The following SLC24A2 variants were observed in gnomAD, a reference collection of about 807,000 sequenced individuals.
SLC24A2 encodes solute carrier family 24 member 2, also known as sodium/potassium/calcium exchanger 2.
A neutral mutation model predicts 62.0 loss-of-function variants in SLC24A2; 36 were observed. The observed-to-expected ratio is 0.58, with a 90% CI of 0.44 to 0.77. SLC24A2 has a LOEUF of 0.77. SLC24A2 is among the 30% of genes least tolerant of loss of function. The probability of loss-of-function intolerance (pLI) is 0.00; values close to 1 mark genes in which losing one functional copy is unlikely to be tolerated. For missense variants in SLC24A2, 846 were observed against 817.9 expected, an observed-to-expected ratio of 1.03 and a Z score of -0.42; for synonymous variants, 358 against 294.0, an observed-to-expected ratio of 1.22 and a Z score of -2.23.
At chr9:20,176,666 A>C in the SLC24A2 span, among the ~76,000 whole-genome samples, 1 of 152,118 alleles carries the variant, frequency 6.6e-6, no homozygotes, top group Non-Finnish European at 1.5e-5. Context: ...CCAGGGGTAT[A>C]AATGAGGAAG....
chr9:20,056,652 C>A, the SLC24A2 span, among the ~76,000 whole-genome samples: 1 of 152,150 alleles, frequency 6.6e-6, no homozygotes, highest in South Asian at 2.1e-4. Context: ...AGATTCTTAC[C>A]TTTCACTATT....
intron 8 of SLC24A2, 34 bp from the exon 9 acceptor site, chr9:19,528,172 G>A (rs372731617): frequency 2.2e-6 from 3 of 1,380,360 alleles, no homozygotes; most frequent in South Asian, 1.2e-5. Flanking sequence ...GAGAATATCA[G>A]TGTTATCCAT....
chr9:19,666,543 T>G (rs1430935871), intron 2 of SLC24A2, among the ~76,000 whole-genome samples: 1 of 152,134 alleles, frequency 6.6e-6, no homozygotes, highest in African/African-American at 2.4e-5. Flanking sequence ...CTCAAGAAAA[T>G]AAAAATAATT....
the SLC24A2 span, among the ~76,000 whole-genome samples, chr9:20,028,036 G>A: frequency 1.3e-5 from 2 of 152,188 alleles, no homozygotes; most frequent in African/African-American, 4.8e-5. Context: ...CATCCATGGT[G>A]TGCAGGGAAG....
chr9:19,722,335 T>A lies in SLC24A2; in HGVS notation c.930+63602A>T, dbSNP rs371726370. Among the ~76,000 whole-genome samples the A allele has an allele frequency of 1.6e-4, 25 of 152,162 alleles. 2 individuals are homozygous for A. Among genetic ancestry groups the A allele is most frequent in the East Asian group, 1.3e-3 (7 of 5,204 alleles). The stretch of plus-strand genomic sequence containing the variant: ...AAATATAACTCTTCATAGCTGTTAA[T>A]TGAGCTGAACTGAGAATGCTAGGTT... On this transcript the variant is annotated intron_variant, in intron 2 of 10. Transcript: ENST00000341998.
intron 2 of SLC24A2, among the ~76,000 whole-genome samples, chr9:19,725,876 T>G (rs1821153990): frequency 6.6e-6 from 1 of 152,206 alleles, no homozygotes; most frequent in Non-Finnish European, 1.5e-5. Context: ...GCTGCCCATA[T>G]TCCCCTCTGG....
chr9:20,200,926 C>T, the SLC24A2 span, among the ~76,000 whole-genome samples: 5 of 152,176 alleles, frequency 3.3e-5, no homozygotes, highest in Non-Finnish European at 4.4e-5. Context: ...TTCTGTAGCT[C>T]ATTATATTTG....
chr9:19,530,808 A>C (rs1198344916), intron 8 of SLC24A2, among the ~76,000 whole-genome samples: 1 of 152,198 alleles, frequency 6.6e-6, no homozygotes, highest in African/African-American at 2.4e-5. Flanking sequence ...GTGAATTTTC[A>C]GTCTTCATCA....
At chr9:20,200,629 G>A in the SLC24A2 span, among the ~76,000 whole-genome samples, 1 of 152,066 alleles carries the variant, frequency 6.6e-6, no homozygotes, top group Non-Finnish European at 1.5e-5. Flanking sequence ...ACAAACATGG[G>A]GACACATTGC....
chr9:20,068,035 C>T, the SLC24A2 span, among the ~76,000 whole-genome samples: 1 of 150,614 alleles, frequency 6.6e-6, no homozygotes, highest in Non-Finnish European at 1.5e-5. Context: ...GCAACCTCAC[C>T]AACATCTGTT....
chr9:19,573,722 G>A (rs1835922856), intron 6 of SLC24A2, among the ~76,000 whole-genome samples: 1 of 152,122 alleles, frequency 6.6e-6, no homozygotes, highest in African/African-American at 2.4e-5. Context: ...TCAGTATACG[G>A]CCTGCCCCCT....
chr9:20,234,847 C>A, the SLC24A2 span, among the ~76,000 whole-genome samples: 1 of 152,116 alleles, frequency 6.6e-6, no homozygotes, highest in Non-Finnish European at 1.5e-5. Context: ...TTTTTCCCAT[C>A]TTTGTGGTTT....
the SLC24A2 span, among the ~76,000 whole-genome samples, chr9:20,008,993 T>G: frequency 6.6e-6 from 1 of 152,170 alleles, no homozygotes; most frequent in South Asian, 2.1e-4. Flanking sequence ...CCCCTTAGAC[T>G]GCAGAACTGA....
chr9:19,569,042 A>C (rs1835760482), intron 7 of SLC24A2, among the ~76,000 whole-genome samples: 1 of 152,198 alleles, frequency 6.6e-6, no homozygotes, highest in African/African-American at 2.4e-5. Context: ...ATAGCAGTAC[A>C]TGAAGAGCTT....
chr9:20,022,994 T>C, the SLC24A2 span, among the ~76,000 whole-genome samples: 1 of 152,064 alleles, frequency 6.6e-6, no homozygotes, highest in African/African-American at 2.4e-5. Context: ...AGACATAATA[T>C]GGAAAAGGAA....
the SLC24A2 span, among the ~76,000 whole-genome samples, chr9:19,827,933 T>A: frequency 6.6e-6 from 1 of 152,308 alleles, no homozygotes; most frequent in Admixed American, 6.5e-5. Context: ...AAAATTGAGA[T>A]TCATCTGAGT....
chr9:19,993,025 C>G, the SLC24A2 span, among the ~76,000 whole-genome samples: 2 of 152,090 alleles, frequency 1.3e-5, no homozygotes, highest in Non-Finnish European at 2.9e-5. Context: ...CTACTCAAAC[C>G]TTAACCCATA....
intron 2 of SLC24A2, among the ~76,000 whole-genome samples, chr9:19,767,047 G>A (rs1228685613): frequency 6.6e-6 from 1 of 151,832 alleles, no homozygotes; most frequent in African/African-American, 2.4e-5. Context: ...CAGTGCTGTG[G>A]TGGGCTCCAC....
At chr9:20,263,078 C>T in the SLC24A2 span, among the ~76,000 whole-genome samples, 3 of 152,202 alleles carry the variant, frequency 2.0e-5, no homozygotes, top group Admixed American at 6.5e-5. Context: ...GAGCCTGCAC[C>T]TGTGCTATCA....
Sources: gnomAD v4.1 joint callset for allele counts (sites outside exome capture counted in the v4.1 genomes callset) on GRCh38, gnomAD v4.1.1 for gene constraint, MANE v1.5 for transcripts, NCBI Gene and HGNC (gene_info 2026-07-23, HGNC 2026-07-21) for gene names.